Variants in NEO1 observed in about 807,000 individuals in gnomAD.
NEO1 encodes the protein neogenin 1, also known as neogenin.
In NEO1, 63 loss-of-function variants were observed where a neutral mutation model predicts 159.7. That is an observed-to-expected ratio of 0.39 (90% confidence interval 0.32 to 0.49). The LOEUF (loss-of-function observed/expected upper bound fraction) is 0.49. NEO1 is among the 20% of genes least tolerant of loss of function. The pLI, the probability that NEO1 is intolerant of heterozygous loss-of-function variation, is 0.85. For missense variants in NEO1, 1,615 were observed against 1,831.0 expected (o/e 0.88, Z 2.15); for synonymous variants, 633 against 662.0 (o/e 0.96, Z 0.67).
chr15:73,207,301 TA>T (rs2037294992), intron 7 of NEO1, among the ~76,000 whole-genome samples: 1 of 152,070 alleles, frequency 6.6e-6, no homozygotes, highest in Admixed American at 6.6e-5. Context: ...AATGGAAACT[TA>T]AAAACATTAA....
chr15:73,168,460 A>G (rs888741419), intron 5 of NEO1, among the ~76,000 whole-genome samples: 9 of 151,496 alleles, frequency 5.9e-5, no homozygotes, highest in African/African-American at 2.2e-4. Context: ...TGGCCTCCCA[A>G]AGTGCTAGGA....
In NEO1 at chr15:73,302,934, GA is replaced by G; in HGVS notation, c.*239del. Reference sequence around the variant, plus strand: ...CCCTTTGCCTGCTGATATTCTGCAGGACTGGGCACCATGGGCCAAAATTTTG... The same window carrying G: ...CCCTTTGCCTGCTGATATTCTGCAGGCTGGGCACCATGGGCCAAAATTTTG... On this transcript the variant is annotated 3_prime_UTR_variant, in exon 29 of 29. Transcript: ENST00000261908. 2.1e-6 allele frequency: 1 copy of G among 473,740 alleles called. No homozygotes were observed. Among genetic ancestry groups the G allele is most frequent in the Non-Finnish European group, 3.9e-6 (1 of 259,184 alleles). The allele number at this position is 473,740 out of a possible 1,614,324, so 29.3% of individuals were successfully genotyped here.
chr15:73,221,639 GC>G, intron 7 of NEO1: 1 of 156,268 alleles, frequency 6.4e-6, no homozygotes, highest in Admixed American at 6.5e-5. Flanking sequence ...AATGGCTGGC[GC>G]CCCTCCCCAA....
chr15:73,185,883 A>G (rs2035891817), intron 7 of NEO1, among the ~76,000 whole-genome samples: 1 of 152,182 alleles, frequency 6.6e-6, no homozygotes. Flanking sequence ...AAAACAGAAC[A>G]AGGACAGGGA....
chr15:73,207,621 T>C (rs1270275976), intron 7 of NEO1, among the ~76,000 whole-genome samples: 1 of 152,238 alleles, frequency 6.6e-6, no homozygotes, highest in African/African-American at 2.4e-5. Flanking sequence ...TTATATGTAA[T>C]ACAGTCATTT....
At chr15:73,193,980 A>G (rs1349044179) in intron 7 of NEO1, among the ~76,000 whole-genome samples, 1 of 152,100 alleles carries the variant, frequency 6.6e-6, no homozygotes, top group Non-Finnish European at 1.5e-5. Context: ...CTCAAAGTGC[A>G]TTTGGAGAAT....
intron 1 of NEO1, among the ~76,000 whole-genome samples, chr15:73,062,718 G>A (rs1446321364): frequency 6.6e-6 from 1 of 152,060 alleles, no homozygotes; most frequent in Non-Finnish European, 1.5e-5. Flanking sequence ...TTGGCCCAAG[G>A]TACTGTGGTG....
intron 13 of NEO1, among the ~76,000 whole-genome samples, 188 bp from the exon 14 acceptor site, chr15:73,258,578 T>C (rs1485300672): frequency 1.3e-5 from 2 of 152,192 alleles, no homozygotes. Context: ...CAGTCTTTGC[T>C]TTATTTGGAG....
chr15:73,181,456 ATT>A (rs1596278026), intron 7 of NEO1, among the ~76,000 whole-genome samples: 1 of 152,136 alleles, frequency 6.6e-6, no homozygotes, highest in Admixed American at 6.5e-5. Context: ...AGGCTAGGTA[ATT>A]TATAAAGAAA....
At chr15:73,205,001 A>G (rs547706454) in intron 7 of NEO1, among the ~76,000 whole-genome samples, 1 of 152,048 alleles carries the variant, frequency 6.6e-6, no homozygotes, top group Non-Finnish European at 1.5e-5. Context: ...TCTACTCTTG[A>G]CTTCGGAACT....
intron 1 of NEO1, among the ~76,000 whole-genome samples, chr15:73,056,674 C>G (rs1336169121): frequency 1.3e-5 from 2 of 152,120 alleles, no homozygotes; most frequent in Non-Finnish European, 2.9e-5. Context: ...CCCCCCTGCC[C>G]TTCCCCTCAA....
In NEO1 at chr15:73,171,290, T is replaced by C. The variant is rs142546441; in HGVS notation, c.1016-5113T>C. Among the ~76,000 whole-genome samples, 275 of 152,168 alleles carry C rather than the reference T, an allele frequency of 1.8e-3. 1 individual carries two copies. Among genetic ancestry groups the C allele is most frequent in the African/African-American group, 6.5e-3 (268 of 41,540 alleles). On this transcript the variant is annotated intron_variant, in intron 5 of 28. Transcript: ENST00000261908. The stretch of plus-strand genomic sequence containing the variant: ...TTTTTAAGAACATAGAGGCCAGGCG[T>C]AGTGGCTCATGCCTGTAAACCTAGC...
chr15:73,295,293 A>G (rs1404523998), intron 26 of NEO1, among the ~76,000 whole-genome samples: 1 of 151,774 alleles, frequency 6.6e-6, no homozygotes, highest in Non-Finnish European at 1.5e-5. Context: ...AATAGAACAG[A>G]GGACCAGAAA....
At chr15:73,226,356 A>G (rs2038590207) in intron 7 of NEO1, among the ~76,000 whole-genome samples, 1 of 152,192 alleles carries the variant, frequency 6.6e-6, no homozygotes, top group Non-Finnish European at 1.5e-5. Flanking sequence ...GAATGCCTGC[A>G]TGGGCTCTTT....
chr15:73,091,260 A>G (rs2069673568), intron 1 of NEO1, among the ~76,000 whole-genome samples: 1 of 152,144 alleles, frequency 6.6e-6, no homozygotes, highest in African/African-American at 2.4e-5. Context: ...GCAGGAACCT[A>G]TTTGAGGTAC....
intron 5 of NEO1, among the ~76,000 whole-genome samples, chr15:73,140,332 G>A (rs1276852057): frequency 2.0e-5 from 3 of 152,136 alleles, no homozygotes. Context: ...GAGGCAGGAG[G>A]ATCACTTGAG....
chr15:73,096,517 G>A (rs902742196), intron 1 of NEO1, among the ~76,000 whole-genome samples: 1 of 152,178 alleles, frequency 6.6e-6, no homozygotes, highest in South Asian at 2.1e-4. Flanking sequence ...TCATGGCAAC[G>A]GTTTTTTGGG....
chr15:73,118,312 G>C (rs2071437327), intron 2 of NEO1, among the ~76,000 whole-genome samples: 1 of 151,978 alleles, frequency 6.6e-6, no homozygotes. Flanking sequence ...TCACCCTTCA[G>C]TGATCCTCCA....
intron 12 of NEO1, among the ~76,000 whole-genome samples, chr15:73,253,760 T>C (rs1346905195): frequency 6.6e-6 from 1 of 152,254 alleles, no homozygotes; most frequent in Non-Finnish European, 1.5e-5. Flanking sequence ...ATTAAATTGC[T>C]CTTTTTCTGT....
Sources: gnomAD v4.1 joint callset for allele counts (sites outside exome capture counted in the v4.1 genomes callset) on GRCh38, gnomAD v4.1.1 for gene constraint, MANE v1.5 for transcripts, NCBI Gene and HGNC (gene_info 2026-07-23, HGNC 2026-07-21) for gene names.